LAMA4: variants seen among roughly 807,000 people sequenced by gnomAD.
The protein encoded by LAMA4 is laminin subunit alpha 4.
A neutral mutation model predicts 207.1 loss-of-function variants in LAMA4; 127 were observed. The ratio of observed to expected loss-of-function variants is 0.61; its 90% CI spans 0.53 to 0.71. LAMA4 has a LOEUF of 0.71. Among genes scored for constraint, LAMA4 ranks in the 30% least tolerant of loss-of-function variants. LAMA4 has a pLI of 0.00. For missense variants in LAMA4, 2,093 were observed against 2,246.5 expected (o/e 0.93, Z 1.38); for synonymous variants, 761 against 816.0 (o/e 0.93, Z 1.15).
chr6:112,158,720 C>T lies in LAMA4; in HGVS notation c.1817+12G>A, dbSNP rs1554337575. 1 of 1,611,450 alleles carries T rather than the reference C, an allele frequency of 6.2e-7. No individual in the cohort carries two copies. Among genetic ancestry groups the T allele is most frequent in the East Asian group, 2.2e-5 (1 of 44,826 alleles). ...CATGTAGATATTTGCATTTCTAAAACCAGGATATTACCTGCTCAATTCATT... is the reference window on the plus strand; with the variant it reads ...CATGTAGATATTTGCATTTCTAAAATCAGGATATTACCTGCTCAATTCATT... On this transcript the variant is annotated intron_variant, in intron 14 of 38. Coordinates refer to ENST00000230538, the MANE Select transcript of LAMA4 (RefSeq NM_001105206.3).
intron 2 of LAMA4, among the ~76,000 whole-genome samples, chr6:112,228,821 T>C (rs1415684342): frequency 1.3e-5 from 2 of 152,168 alleles, no homozygotes; most frequent in Middle Eastern, 3.2e-3. Context: ...TTGTGTGCTG[T>C]AGCCTTTGGG....
At chr6:112,248,363 G>A (rs1244881239) in intron 2 of LAMA4, among the ~76,000 whole-genome samples, 1 of 152,006 alleles carries the variant, frequency 6.6e-6, no homozygotes, top group Non-Finnish European at 1.5e-5. Context: ...GCCAGGCATG[G>A]TGGCACACGC....
intron 24 of LAMA4, among the ~76,000 whole-genome samples, chr6:112,136,889 A>G (rs1554331790): frequency 6.6e-6 from 1 of 152,180 alleles, no homozygotes; most frequent in African/African-American, 2.4e-5. Context: ...TACCATGTTT[A>G]TTCAACTGCC....
chr6:112,188,506 C>T (rs1782827692), intron 7 of LAMA4, among the ~76,000 whole-genome samples: 1 of 152,134 alleles, frequency 6.6e-6, no homozygotes, highest in Non-Finnish European at 1.5e-5. Flanking sequence ...GACTGAGAGA[C>T]CAAGATACAT....
chr6:112,187,488 G>A lies in LAMA4; in HGVS notation c.928C>T (p.His310Tyr). The A allele has an allele frequency of 6.2e-7, 1 of 1,614,092 alleles. No individual in the cohort carries two copies. Among genetic ancestry groups the A allele is most frequent in the Non-Finnish European group, 8.5e-7 (1 of 1,180,008 alleles). ...SVSSGAAAHRHVNEINATIYL... is the reference protein window; with the variant it reads ...SVSSGAAAHRYVNEINATIYL... ...ATGGTGGCGTTGATTTCATTCACGTGCCTATGAGCGGCGGCCCCAGAGGAT... is the reference window on the plus strand; with the variant it reads ...ATGGTGGCGTTGATTTCATTCACGTACCTATGAGCGGCGGCCCCAGAGGAT... The change falls in exon 8 of 39, where the codon CAC becomes TAC. Residue 310 changes from histidine to tyrosine, a missense_variant. By Grantham distance (83) the His-to-Tyr change is moderately conservative (BLOSUM62 2). Coordinates refer to ENST00000230538, the MANE Select transcript of LAMA4 (RefSeq NM_001105206.3).
Position 112,158,722 on chromosome 6 carries a change from A to G in LAMA4, c.1817+10T>C. 6.2e-7 allele frequency: 1 copy of G among 1,611,820 alleles called. No individual in the cohort carries two copies. The highest frequency in any genetic ancestry group is 8.5e-7 in the Non-Finnish European group (1 of 1,178,046). On this transcript the variant is annotated intron_variant, in intron 14 of 38. Transcript: ENST00000230538. ...TGTAGATATTTGCATTTCTAAAACC[A>G]GGATATTACCTGCTCAATTCATTAG...
At chr6:112,162,052 A>G (rs1011851684) in intron 13 of LAMA4, 6 of 152,244 alleles carry the variant, frequency 3.9e-5, no homozygotes, top group Non-Finnish European at 8.8e-5. Context: ...CTGCATAAAG[A>G]ATATGTCTTG....
intron 3 of LAMA4, among the ~76,000 whole-genome samples, chr6:112,210,789 A>G (rs1309749179): frequency 6.6e-6 from 1 of 152,228 alleles, no homozygotes; most frequent in Non-Finnish European, 1.5e-5. Flanking sequence ...ATCTTCTTCT[A>G]TTAAGCCAGA....
At chr6:112,133,611 A>T in intron 26 of LAMA4, 124 bp from the exon 27 acceptor site, 2 of 1,228,666 alleles carry the variant, frequency 1.6e-6, no homozygotes, top group South Asian at 1.2e-5. Context: ...TCATATTCTC[A>T]TGCTTTCTTT....
At chr6:112,114,807 A>G (rs782053356) in intron 36 of LAMA4, 51 bp from the exon 37 acceptor site, 1 of 1,261,812 alleles carries the variant, frequency 7.9e-7, no homozygotes, top group South Asian at 1.2e-5. Flanking sequence ...CATTGTGATA[A>G]AACTGAATTT....
chr6:112,129,298 T>A (rs1342086275), intron 30 of LAMA4, among the ~76,000 whole-genome samples: 1 of 152,084 alleles, frequency 6.6e-6, no homozygotes, highest in Non-Finnish European at 1.5e-5. Context: ...GCATCACATA[T>A]TTATAATAAT....
intron 5 of LAMA4, among the ~76,000 whole-genome samples, chr6:112,201,180 TG>T (rs1783725858): frequency 1.3e-5 from 2 of 152,198 alleles, no homozygotes; most frequent in African/African-American, 4.8e-5. Context: ...CTTTGTGGGT[TG>T]TTTTTTTCTA....
At chr6:112,222,823 G>C (rs922062009) in intron 2 of LAMA4, among the ~76,000 whole-genome samples, 5 of 152,130 alleles carry the variant, frequency 3.3e-5, no homozygotes, top group African/African-American at 1.2e-4. Flanking sequence ...TTGTCTAATT[G>C]AAACAATAAA....
At chr6:112,136,298 G>A (rs1014053538) in intron 24 of LAMA4, 44 bp from the exon 25 acceptor site, 4 of 1,504,430 alleles carry the variant, frequency 2.7e-6, no homozygotes, top group Admixed American at 3.3e-5. Context: ...TCTGTTATGC[G>A]AGTAGAGTCA....
chr6:112,155,438 T>G (rs1780650631), intron 15 of LAMA4, 127 bp downstream of exon 15: 2 of 1,031,018 alleles, frequency 1.9e-6, no homozygotes, highest in African/African-American at 3.2e-5. Flanking sequence ...GGTCTTCCCT[T>G]AGTTCCCCTG....
rs886039116 is a variant in LAMA4 at position 112,129,076 on chromosome 6, C to T, written c.4134-1G>A. On this transcript the variant is annotated splice_acceptor_variant, in intron 30 of 38. Coordinates refer to ENST00000230538, the MANE Select transcript of LAMA4 (RefSeq NM_001105206.3). LOFTEE classifies it high-confidence loss of function. ...TTCAACCTCCACATCTCTATCCACC[C>T]TGTGTTTGTAACAGAGGAAAAAATA... is the stretch of plus-strand genomic sequence containing the variant. 2.5e-6 allele frequency: 4 copies of T among 1,609,560 alleles called. No homozygotes were observed. Among genetic ancestry groups the T allele is most frequent in the Non-Finnish European group, 3.4e-6 (4 of 1,176,206 alleles).
chr6:112,165,379 T>G (rs1781327532), intron 12 of LAMA4, 103 bp from the exon 13 acceptor site: 1 of 805,726 alleles, frequency 1.2e-6, no homozygotes, highest in African/African-American at 1.7e-5. Context: ...CTCAGACAAA[T>G]CTGGGTTCAT....
chr6:112,254,317 G>A, intron 1 of LAMA4, 26 bp from the exon 2 acceptor site: 2 of 744,440 alleles, frequency 2.7e-6, no homozygotes, highest in South Asian at 1.7e-5. Context: ...GAAAGTGCGA[G>A]AGTAAGGGAG....
intron 9 of LAMA4, among the ~76,000 whole-genome samples, chr6:112,180,526 A>G (rs186091552): frequency 2.0e-5 from 3 of 152,374 alleles, no homozygotes; most frequent in African/African-American, 7.2e-5. Flanking sequence ...AGCTGAAATT[A>G]AAAAATTACC....
Sources: allele counts gnomAD v4.1 joint callset (sites outside exome capture counted in the v4.1 genomes callset), GRCh38; gene constraint gnomAD v4.1.1; transcripts MANE v1.5; gene names NCBI Gene and HGNC (gene_info 2026-07-23, HGNC 2026-07-21).